Variants in FBN2 observed in about 807,000 individuals in gnomAD.
FBN2 encodes fibrillin-2.
A neutral mutation model predicts 355.6 loss-of-function variants in FBN2; 105 were observed. The observed-to-expected ratio is 0.30, with a 90% CI of 0.25 to 0.35. FBN2 has a LOEUF of 0.35. Among genes scored for constraint, FBN2 ranks in the 10% least tolerant of loss-of-function variants. The pLI is 1.00. For missense variants in FBN2, 3,280 were observed against 3,758.7 expected (o/e 0.87, Z 3.33); for synonymous variants, 1,350 against 1,301.2 (o/e 1.04, Z -0.81).
At chr5:128,282,865 G>A (rs546360910) in intron 55 of FBN2, among the ~76,000 whole-genome samples, 73 of 152,162 alleles carry the variant, frequency 4.8e-4, no homozygotes, top group Non-Finnish European at 9.0e-4. Flanking sequence ...ATCCAGTGCA[G>A]CATGACAGCC....
intron 55 of FBN2, among the ~76,000 whole-genome samples, chr5:128,281,161 TAAAG>T (rs1375481696): frequency 7.2e-5 from 11 of 152,226 alleles, no homozygotes; most frequent in Admixed American, 1.3e-4. Context: ...ACAATTCTAT[TAAAG>T]AGAACCTAGC....
At chr5:128,382,758 C>T (rs530447452) in intron 11 of FBN2, among the ~76,000 whole-genome samples, 4 of 152,044 alleles carry the variant, frequency 2.6e-5, no homozygotes, top group Non-Finnish European at 4.4e-5. Flanking sequence ...CAGATTCTAT[C>T]GATTAACCTC....
chr5:128,352,668 G>A (rs1352868602), intron 20 of FBN2, among the ~76,000 whole-genome samples: 1 of 152,124 alleles, frequency 6.6e-6, no homozygotes, highest in Non-Finnish European at 1.5e-5. Context: ...CAAGACACTT[G>A]TTAAAATGCC....
rs190600117 is a variant in FBN2, at chr5:128,306,021, C to T, written c.5423-73G>A. 3.3e-4 allele frequency: 454 copies of T among 1,373,752 alleles called. No homozygotes were observed. The African/African-American group carries it at 5.4e-3, about 16-fold the overall frequency. 85.1% of individuals were successfully genotyped at this position (1,373,752 alleles called of 1,614,324 possible). A position where few individuals can be genotyped will look rare whatever the true frequency, so the allele number is the denominator to read the frequency against. On this transcript the variant is annotated intron_variant, in intron 42 of 64. Transcript: ENST00000262464. ...ACTTACCATATAACTTTGAATAATGCTACATGTACCCTGGGATGAGTACAA... is the reference window on the plus strand; with the variant it reads ...ACTTACCATATAACTTTGAATAATGTTACATGTACCCTGGGATGAGTACAA...
At chr5:128,387,291 T>C (rs1040984954) in intron 11 of FBN2, among the ~76,000 whole-genome samples, 3 of 152,020 alleles carry the variant, frequency 2.0e-5, no homozygotes, top group Admixed American at 6.6e-5. Context: ...CTGTATTTCT[T>C]TGGGGTTGTT....
intron 7 of FBN2, among the ~76,000 whole-genome samples, chr5:128,444,478 A>G (rs1401910020): frequency 6.6e-6 from 1 of 152,268 alleles, no homozygotes; most frequent in Admixed American, 6.5e-5. Context: ...TAAGGCCTTC[A>G]TAAAACCTTT....
intron 7 of FBN2, among the ~76,000 whole-genome samples, chr5:128,423,143 C>T (rs542790122): frequency 6.6e-6 from 1 of 152,110 alleles, no homozygotes; most frequent in East Asian, 1.9e-4. Flanking sequence ...AAAGACTTCC[C>T]TGGGAAAGTG....
intron 25 of FBN2, among the ~76,000 whole-genome samples, chr5:128,342,441 T>C (rs991350365): frequency 2.6e-5 from 4 of 152,000 alleles, no homozygotes; most frequent in African/African-American, 7.3e-5. Context: ...AAGTCAAAAT[T>C]ACAGGACAAA....
intron 48 of FBN2, among the ~76,000 whole-genome samples, chr5:128,294,993 A>G (rs1749461619): frequency 6.6e-6 from 1 of 150,476 alleles, no homozygotes; most frequent in Non-Finnish European, 1.5e-5. Context: ...TCTTTAATCC[A>G]TCTTGGATTG....
chr5:128,459,480 C>T (rs1038224729), intron 6 of FBN2, among the ~76,000 whole-genome samples: 6 of 150,966 alleles, frequency 4.0e-5, no homozygotes, highest in African/African-American at 7.4e-5. Flanking sequence ...GATATCAAAA[C>T]CTGGCAGAGA....
In FBN2 at chr5:128,412,821, T is replaced by C. The variant is rs376499985; in HGVS notation, c.953-4022A>G. Among the ~76,000 whole-genome samples, 20 of 152,356 alleles carry C rather than the reference T, an allele frequency of 1.3e-4. 1 individual carries two copies. The highest frequency in any genetic ancestry group is 4.8e-4 in the African/African-American group (20 of 41,584). ...TAAGCCTATCAATATTTTAGAAAGA[T>C]AGTCCTTGTGTTTAATGTGGACAGA... On this transcript the variant is annotated intron_variant, in intron 7 of 64. Transcript: ENST00000262464.
At chr5:128,379,090 T>G (rs1752161437) in intron 11 of FBN2, among the ~76,000 whole-genome samples, 200 bp from the exon 12 acceptor site, 1 of 152,128 alleles carries the variant, frequency 6.6e-6, no homozygotes, top group Non-Finnish European at 1.5e-5. Context: ...AAATATCACC[T>G]TTTAGAGAGT....
intron 7 of FBN2, among the ~76,000 whole-genome samples, chr5:128,438,171 T>C (rs772586709): frequency 3.3e-5 from 5 of 152,196 alleles, no homozygotes; most frequent in Non-Finnish European, 5.9e-5. Context: ...TTTGTATTTT[T>C]AGTAGAGACA....
intron 7 of FBN2, among the ~76,000 whole-genome samples, chr5:128,438,446 A>G (rs17677069): frequency 0.17 from 25,569 of 152,264 alleles, 2,253 homozygotes; most frequent in Non-Finnish European, 0.21. Context: ...GACAGCAATT[A>G]ATGGGAGGAT....
In FBN2 at chr5:128,259,502, C is replaced by T; in HGVS notation, c.8692G>A (p.Glu2898Lys). 1 of 1,613,612 alleles carries T rather than the reference C, an allele frequency of 6.2e-7. No individual in the cohort carries two copies. The highest frequency in any genetic ancestry group is 8.5e-7 in the Non-Finnish European group (1 of 1,179,862). The change falls in exon 65 of 65, where the codon GAG (glutamate) becomes AAG (lysine). Residue 2898 changes from glutamate to lysine, a missense_variant. By Grantham distance (56) the Glu-to-Lys change is moderately conservative. This residue lies in a region of FBN2 where 311 missense variants were observed against 319.1 expected (regional missense o/e 0.97). Coordinates refer to ENST00000262464, the MANE Select transcript of FBN2 (RefSeq NM_001999.4). ...ESNEDDYLLG[E>K]LGEALRMRLQ... is the part of the protein sequence containing the mutation. ...CTCATTCTGAGAGCCTCCCCAAGCT[C>T]CCCTAGGAGGTAGTCATCCTCATTG...
chr5:128,474,685 C>A (rs1271826775), intron 5 of FBN2, among the ~76,000 whole-genome samples: 2 of 152,086 alleles, frequency 1.3e-5, no homozygotes, highest in Non-Finnish European at 2.9e-5. Context: ...TGTAAGCAGC[C>A]AAATACATGC....
chr5:128,501,152 G>A (rs1407756726), intron 5 of FBN2, among the ~76,000 whole-genome samples: 6 of 152,206 alleles, frequency 3.9e-5, no homozygotes, highest in African/African-American at 1.4e-4. Flanking sequence ...ATCAGGTCCT[G>A]TAGCTGAAAT....
At chr5:128,436,239 C>T (rs896317991) in intron 7 of FBN2, among the ~76,000 whole-genome samples, 5 of 152,136 alleles carry the variant, frequency 3.3e-5, no homozygotes, top group Admixed American at 1.3e-4. Context: ...TGTTTGGCTG[C>T]CCCTCTGGAG....
chr5:128,528,644 A>G (rs1478671611), intron 3 of FBN2, among the ~76,000 whole-genome samples: 1 of 152,174 alleles, frequency 6.6e-6, no homozygotes, highest in Non-Finnish European at 1.5e-5. Flanking sequence ...GGTTAAAAAG[A>G]GGCAGACAGG....
Sources: gnomAD v4.1 joint callset for allele counts (sites outside exome capture counted in the v4.1 genomes callset) on GRCh38, gnomAD v4.1.1 for gene constraint, gnomAD v4.1.1 regional missense constraint, MANE v1.5 for transcripts, NCBI Gene and HGNC (gene_info 2026-07-23, HGNC 2026-07-21) for gene names.